Variants in TXNRD1 observed in about 807,000 individuals in gnomAD.
TXNRD1 encodes thioredoxin reductase 1, cytoplasmic.
In TXNRD1, 57 loss-of-function variants were observed where a neutral mutation model predicts 80.3. That is an observed-to-expected ratio of 0.71 (90% CI 0.57 to 0.89). The LOEUF (loss-of-function observed/expected upper bound fraction) is 0.89. Among genes scored for constraint, TXNRD1 ranks in the 40% least tolerant of loss-of-function variants. TXNRD1 has a pLI of 0.00. For synonymous variants in TXNRD1, 291 were observed against 285.2 expected, an observed-to-expected ratio of 1.02 and a Z score of -0.20; for missense variants, 730 against 803.0, an observed-to-expected ratio of 0.91 and a Z score of 1.10.
chr12:104,260,986 TA>T (rs1452161327), intron 3 of TXNRD1, among the ~76,000 whole-genome samples: 1 of 152,178 alleles, frequency 6.6e-6, no homozygotes, highest in Non-Finnish European at 1.5e-5. Context: ...TGTTTTTTGG[TA>T]ACAAATGGCA....
chr12:104,265,893 GAAAAAAAAA>G (rs34390973), intron 3 of TXNRD1: 5 of 574,744 alleles, frequency 8.7e-6, no homozygotes, highest in Non-Finnish European at 1.3e-5. Flanking sequence ...CGCCCCGGTG[GAAAAAAAAA>G]AAAAAAAAAA....
chr12:104,250,330 C>G (rs1276777660), intron 1 of TXNRD1, among the ~76,000 whole-genome samples: 1 of 152,052 alleles, frequency 6.6e-6, no homozygotes, highest in African/African-American at 2.4e-5. Context: ...ATCCTTGTGA[C>G]TTTGGAATAG....
chr12:104,245,160 T>C (rs2032949879), intron 1 of TXNRD1, among the ~76,000 whole-genome samples: 1 of 151,930 alleles, frequency 6.6e-6, no homozygotes, highest in Non-Finnish European at 1.5e-5. Flanking sequence ...GGTAGGGGTC[T>C]TTCAATGTTT....
intron 4 of TXNRD1, among the ~76,000 whole-genome samples, chr12:104,298,360 A>T (rs1292965243): frequency 1.3e-5 from 2 of 152,068 alleles, no homozygotes; most frequent in African/African-American, 4.8e-5. Context: ...TATATGGCAA[A>T]TTTCTTTTCA....
intron 1 of TXNRD1, among the ~76,000 whole-genome samples, chr12:104,217,467 C>T (rs1183870919): frequency 2.6e-5 from 4 of 151,946 alleles, no homozygotes; most frequent in East Asian, 1.9e-4. Context: ...TGCACCACCA[C>T]GCCTGGCTAA....
intron 14 of TXNRD1, among the ~76,000 whole-genome samples, chr12:104,333,137 T>C (rs2036016991): frequency 6.6e-6 from 1 of 152,058 alleles, no homozygotes; most frequent in Middle Eastern, 3.2e-3. Context: ...CATTCTTTGA[T>C]TAGGTTGTTT....
intron 4 of TXNRD1, among the ~76,000 whole-genome samples, chr12:104,294,007 C>A (rs1341045885): frequency 6.6e-6 from 1 of 152,174 alleles, no homozygotes; most frequent in African/African-American, 2.4e-5. Context: ...ATTATTTCTA[C>A]ACATCAGGGA....
chr12:104,346,102 T>C, intron 16 of TXNRD1: 1 of 813,402 alleles, frequency 1.2e-6, no homozygotes, highest in Non-Finnish European at 1.8e-6. Context: ...AGCCTTGACC[T>C]TTCAAGCTCA....
intron 3 of TXNRD1, among the ~76,000 whole-genome samples, chr12:104,268,439 G>T (rs2033582885): frequency 6.6e-6 from 1 of 151,668 alleles, no homozygotes; most frequent in African/African-American, 2.4e-5. Context: ...GCAGGAGAGT[G>T]GCGTGAACCC....
intron 3 of TXNRD1, among the ~76,000 whole-genome samples, chr12:104,275,405 G>A (rs2033736662): frequency 6.6e-6 from 1 of 151,732 alleles, no homozygotes; most frequent in Non-Finnish European, 1.5e-5. Context: ...AAAGTAAAAT[G>A]AAAAAATGAA....
intron 16 of TXNRD1, among the ~76,000 whole-genome samples, chr12:104,341,809 G>A (rs2036333961): frequency 1.3e-5 from 2 of 152,174 alleles, no homozygotes; most frequent in Admixed American, 6.5e-5. Context: ...CCACTGCAGA[G>A]GCCAGTGTCA....
At chr12:104,220,403 T>C (rs1003761144) in intron 1 of TXNRD1, among the ~76,000 whole-genome samples, 2 of 152,238 alleles carry the variant, frequency 1.3e-5, no homozygotes, top group Non-Finnish European at 2.9e-5. Flanking sequence ...ACTGAGTATT[T>C]AAAGCTTTTA....
chr12:104,244,847 C>T (rs1003283367), intron 1 of TXNRD1, among the ~76,000 whole-genome samples: 1 of 152,132 alleles, frequency 6.6e-6, no homozygotes, highest in African/African-American at 2.4e-5. Flanking sequence ...GGGGTGTAGG[C>T]TGTAGAGCAG....
chr12:104,295,413 A>G (rs1467215276), intron 4 of TXNRD1, among the ~76,000 whole-genome samples: 1 of 152,022 alleles, frequency 6.6e-6, no homozygotes, highest in Admixed American at 6.6e-5. Flanking sequence ...CTTCTCTTCC[A>G]GCTCATATTG....
chr12:104,252,690 A>ATATATTT (rs2033152006), intron 2 of TXNRD1, among the ~76,000 whole-genome samples: 1 of 39,658 alleles, frequency 2.5e-5, no homozygotes, highest in Non-Finnish European at 4.1e-5. Flanking sequence ...ATATATATAT[A>ATATATTT]TTTTTTTTTT....
chr12:104,286,797 A>G, intron 3 of TXNRD1: 4 of 1,019,874 alleles, frequency 3.9e-6, no homozygotes, highest in Non-Finnish European at 4.7e-6. Flanking sequence ...AATTGCCTTA[A>G]ATTGTTTTTG....
chr12:104,225,770 G>A (rs544448044), intron 1 of TXNRD1, among the ~76,000 whole-genome samples: 32 of 149,662 alleles, frequency 2.1e-4, no homozygotes, highest in South Asian at 4.2e-4. Context: ...TTATAGCAGC[G>A]TGAGAATGGA....
chr12:104,344,232 C>T (rs2036419463), intron 16 of TXNRD1, among the ~76,000 whole-genome samples: 1 of 152,002 alleles, frequency 6.6e-6, no homozygotes, highest in East Asian at 1.9e-4. Context: ...TGTTTTTTCC[C>T]CAGGATATTA....
intron 3 of TXNRD1, among the ~76,000 whole-genome samples, chr12:104,259,648 C>T (rs987720963): frequency 9.9e-5 from 15 of 151,862 alleles, no homozygotes; most frequent in African/African-American, 1.7e-4. Context: ...TGCACCACTA[C>T]GCCTGGCTAA....
Sources: gnomAD v4.1 joint callset for allele counts (sites outside exome capture counted in the v4.1 genomes callset) on GRCh38, gnomAD v4.1.1 for gene constraint, MANE v1.5 for transcripts, NCBI Gene and HGNC (gene_info 2026-07-23, HGNC 2026-07-21) for gene names.